The following WDR19 variants were observed in gnomAD, a reference collection of about 807,000 sequenced individuals.
WDR19 encodes WD repeat-containing protein 19.
A neutral mutation model predicts 180.0 loss-of-function variants in WDR19; 121 were observed. The ratio of observed to expected loss-of-function variants is 0.67; its 90% confidence interval spans 0.58 to 0.78. The LOEUF (loss-of-function observed/expected upper bound fraction) is 0.78, where lower values mean the gene tolerates loss of function less well. Ranked by LOEUF, WDR19 falls within the 30% of genes least tolerant of loss-of-function variation. WDR19 has a pLI of 0.00. For missense variants in WDR19, 1,450 were observed against 1,640.7 expected, an observed-to-expected ratio of 0.88 and a Z score of 2.01; for synonymous variants, 497 against 540.7, an observed-to-expected ratio of 0.92 and a Z score of 1.12.
At chr4:39,189,337 CG>C (rs1725908977) in intron 3 of WDR19, among the ~76,000 whole-genome samples, 1 of 151,986 alleles carries the variant, frequency 6.6e-6, no homozygotes, top group Non-Finnish European at 1.5e-5. Flanking sequence ...TGTAAAGGTG[CG>C]TGGCGAGTTT....
At chr4:39,196,521 C>T (rs1726764665) in intron 5 of WDR19, among the ~76,000 whole-genome samples, 1 of 152,176 alleles carries the variant, frequency 6.6e-6, no homozygotes, top group Non-Finnish European at 1.5e-5. Context: ...CTTACAGACT[C>T]AACCTCCAAA....
chr4:39,273,179 C>G (rs1735552618), intron 32 of WDR19, 118 bp downstream of exon 32: 2 of 748,306 alleles, frequency 2.7e-6, no homozygotes, highest in South Asian at 1.9e-5. Flanking sequence ...CACAGCAGCT[C>G]CATGAAGTGG....
At chr4:39,207,830 C>T (rs778582120) in intron 9 of WDR19, among the ~76,000 whole-genome samples, 23 of 151,808 alleles carry the variant, frequency 1.5e-4, no homozygotes, top group Non-Finnish European at 2.8e-4. Context: ...GGTAAATATC[C>T]GGGTAAATAT....
chr4:39,198,155 A>G (rs761403487), intron 5 of WDR19, among the ~76,000 whole-genome samples: 1 of 152,078 alleles, frequency 6.6e-6, no homozygotes, highest in African/African-American at 2.4e-5. Context: ...TTTTAGTTAT[A>G]CCTGAACAGT....
At chr4:39,211,788 A>G (rs1044610225) in intron 9 of WDR19, among the ~76,000 whole-genome samples, 6 of 152,206 alleles carry the variant, frequency 3.9e-5, no homozygotes, top group Non-Finnish European at 5.9e-5. Context: ...ATAGAGAGAT[A>G]TACTGTGTTC....
In WDR19 at chr4:39,274,925, C is replaced by G. The variant is rs201051877; in HGVS notation, c.3683C>G (p.Ala1228Gly). 373 of 1,613,944 alleles carry G rather than the reference C, an allele frequency of 2.3e-4. No individual in the cohort carries two copies. The highest frequency in any genetic ancestry group is 3.0e-4 in the Non-Finnish European group (351 of 1,179,888). ...CCTGAATACCGCAGCAAAATAGATG[C>G]CAAATACAAAAAGAAGATCGAGGGA... ...MRPEYRSKIDAKYKKKIEGMV... is the reference protein window; with the variant it reads ...MRPEYRSKIDGKYKKKIEGMV... Residue 1228 changes from alanine to glycine, a missense_variant, in exon 33 of 37, where the codon GCC becomes GGC. Coordinates refer to ENST00000399820, the MANE Select transcript of WDR19 (RefSeq NM_025132.4).
chr4:39,198,988 ACT>A (rs1727084413), intron 5 of WDR19, among the ~76,000 whole-genome samples: 1 of 145,702 alleles, frequency 6.9e-6, no homozygotes, highest in Admixed American at 7.0e-5. Context: ...AGAGAGTGAG[ACT>A]CTGTCTCAAA....
At chr4:39,188,798 TGGAGTACAGTGA>T (rs1725844416) in intron 3 of WDR19, among the ~76,000 whole-genome samples, 1 of 152,054 alleles carries the variant, frequency 6.6e-6, no homozygotes, top group Non-Finnish European at 1.5e-5. Flanking sequence ...TTTCCCAAGC[TGGAGTACAGTGA>T]CACAAACATG....
In WDR19 at chr4:39,234,837, T is replaced by G. The variant is rs753638155; in HGVS notation, c.2325T>G (p.Pro775=). The change falls in exon 20 of 37, where the codon CCT becomes CCG. Residue 775 remains proline (P), a synonymous_variant. Coordinates refer to ENST00000399820, the MANE Select transcript of WDR19 (RefSeq NM_025132.4). ...LAKHLAPDQI[P]FISKEYAIQL... is the part of the protein sequence containing the mutation. ...AGCATTTGGCCCCAGACCAGATACC[T>G]TTTATATCAAAAGAATATGCTATTC... 9 of 1,575,050 alleles carry G rather than the reference T, an allele frequency of 5.7e-6. No individual in the cohort carries two copies. The highest frequency in any genetic ancestry group is 7.8e-6 in the Non-Finnish European group (9 of 1,159,050).
chr4:39,241,481 G>A (rs1168766226), intron 21 of WDR19, among the ~76,000 whole-genome samples: 1 of 116,550 alleles, frequency 8.6e-6, no homozygotes, highest in Non-Finnish European at 1.7e-5. Flanking sequence ...GCAACAGAGT[G>A]AGACTATATC....
chr4:39,250,107 G>T (rs1349493434), intron 24 of WDR19, among the ~76,000 whole-genome samples: 1 of 151,938 alleles, frequency 6.6e-6, no homozygotes, highest in African/African-American at 2.4e-5. Context: ...TAAAATACTG[G>T]CAAACCGAAT....
intron 6 of WDR19, among the ~76,000 whole-genome samples, chr4:39,201,639 C>T (rs977194933): frequency 1.3e-5 from 2 of 152,154 alleles, no homozygotes; most frequent in African/African-American, 4.8e-5. Context: ...ATTTTCAATG[C>T]CCTTTAGAAA....
At chr4:39,235,853 A>G (rs1392856008) in intron 20 of WDR19, among the ~76,000 whole-genome samples, 2 of 152,244 alleles carry the variant, frequency 1.3e-5, no homozygotes, top group Non-Finnish European at 2.9e-5. Context: ...AAAAGAAGAC[A>G]TATAAGCAGC....
intron 28 of WDR19, 43 bp downstream of exon 28, chr4:39,257,597 T>A (rs544569022): frequency 2.3e-5 from 35 of 1,534,210 alleles, no homozygotes; most frequent in Non-Finnish European, 2.7e-5. Flanking sequence ...GCCAATTTTT[T>A]AAAAAACTTC....
intron 5 of WDR19, among the ~76,000 whole-genome samples, chr4:39,195,371 A>AAAAAAAC: frequency 2.2e-5 from 3 of 136,464 alleles, no homozygotes; most frequent in East Asian, 2.0e-4. Context: ...CATCTCAAAA[A>AAAAAAAC]AAAAAAACAA....
chr4:39,207,357 G>A (rs1231137354), intron 9 of WDR19, among the ~76,000 whole-genome samples: 9 of 152,172 alleles, frequency 5.9e-5, no homozygotes, highest in East Asian at 3.9e-4. Flanking sequence ...TTGTGTCTTC[G>A]GAATCCCAAA....
intron 24 of WDR19, 115 bp from the exon 25 acceptor site, chr4:39,253,031 A>G: frequency 9.9e-7 from 1 of 1,013,392 alleles, no homozygotes. Context: ...AAAGAAGTTC[A>G]GGAAAAATAA....
At chr4:39,247,176 G>A (rs901887724) in intron 24 of WDR19, among the ~76,000 whole-genome samples, 4 of 152,172 alleles carry the variant, frequency 2.6e-5, no homozygotes, top group Non-Finnish European at 4.4e-5. Context: ...GAACAATCAG[G>A]CAGCAGCATT....
In WDR19 at chr4:39,257,491, T is replaced by TA; in HGVS notation, c.3123dup (p.His1042ThrfsTer11). 6.3e-7 allele frequency: 1 copy of TA among 1,580,956 alleles called. No individual in the cohort carries two copies. Among genetic ancestry groups the TA allele is most frequent in the South Asian group, 1.2e-5 (1 of 86,184 alleles). On this transcript the variant is annotated frameshift_variant, in exon 28 of 37. Transcript: ENST00000399820. LOFTEE classifies it high-confidence loss of function. ...TGCTGTAATTCGCTTTTCAGGCACT[T>TA]AAACACTTCCTGAAATGCCCAAGCT...
Sources: gnomAD v4.1 joint callset for allele counts (sites outside exome capture counted in the v4.1 genomes callset) on GRCh38, gnomAD v4.1.1 for gene constraint, MANE v1.5 for transcripts, NCBI Gene and HGNC (gene_info 2026-07-23, HGNC 2026-07-21) for gene names.